The following ARHGEF3 variants were observed in gnomAD, a reference collection of about 807,000 sequenced individuals.
The protein encoded by ARHGEF3 is Rho guanine nucleotide exchange factor 3.
ARHGEF3 carries 28 observed loss-of-function variants against 63.2 expected under a neutral mutation model. The ratio of observed to expected loss-of-function variants is 0.44; its 90% CI spans 0.33 to 0.61. The LOEUF is 0.61. Ranked by LOEUF, ARHGEF3 falls within the 20% of genes least tolerant of loss-of-function variation. The pLI, the probability that ARHGEF3 is intolerant of heterozygous loss-of-function variation, is 0.03. For missense variants in ARHGEF3, 533 were observed against 659.3 expected, an observed-to-expected ratio of 0.81 and a Z score of 2.10; for synonymous variants, 266 against 254.2, an observed-to-expected ratio of 1.05 and a Z score of -0.44.
At chr3:56,856,479 C>T (rs2039885743) in intron 4 of ARHGEF3, among the ~76,000 whole-genome samples, 2 of 152,064 alleles carry the variant, frequency 1.3e-5, no homozygotes, top group South Asian at 2.1e-4. Flanking sequence ...TTTTATTACA[C>T]CGGTAATTCA....
intron 2 of ARHGEF3, among the ~76,000 whole-genome samples, chr3:57,002,453 TTCTAAGCAC>T (rs1579062697): frequency 1.1e-4 from 2 of 18,708 alleles, no homozygotes; most frequent in Admixed American, 9.0e-4. Flanking sequence ...CCAGGCACTG[TTCTAAGCAC>T]TATATATATA....
intron 3 of ARHGEF3, among the ~76,000 whole-genome samples, chr3:56,944,159 C>T (rs1047244868): frequency 1.3e-5 from 2 of 152,056 alleles, no homozygotes; most frequent in South Asian, 2.1e-4. Context: ...GATGACAGAG[C>T]GAGATTCAGT....
chr3:56,989,183 GT>G (rs957926720), intron 2 of ARHGEF3, among the ~76,000 whole-genome samples: 1 of 152,176 alleles, frequency 6.6e-6, no homozygotes, highest in African/African-American at 2.4e-5. Context: ...ACCCTATTTA[GT>G]TCTTTTTTAA....
rs545718128 is a variant in ARHGEF3 at position 56,817,634 on chromosome 3, T to C, written c.193-43818A>G. 2.0e-5 allele frequency among the ~76,000 whole-genome samples: 3 copies of C among 152,322 alleles called. No homozygotes were observed. The South Asian group carries it at 6.2e-4, about 32-fold the overall frequency. ...AGACCTGTGACAAGCATGTGACATATATTACCTTACTGAATCCTCACAACC... is the reference window on the plus strand; with the variant it reads ...AGACCTGTGACAAGCATGTGACATACATTACCTTACTGAATCCTCACAACC... On this transcript the variant is annotated intron_variant, in intron 4 of 12. Coordinates refer to the ARHGEF3 transcript ENST00000338458.
At chr3:57,008,505 C>T (rs1271203627) in intron 2 of ARHGEF3, among the ~76,000 whole-genome samples, 3 of 151,338 alleles carry the variant, frequency 2.0e-5, no homozygotes, top group African/African-American at 4.9e-5. Context: ...GAGACAGAGA[C>T]TCACTCTGTT....
chr3:56,964,028 C>G (rs183687939), intron 2 of ARHGEF3, among the ~76,000 whole-genome samples: 101 of 152,310 alleles, frequency 6.6e-4, no homozygotes, highest in Non-Finnish European at 3.2e-4. Flanking sequence ...GCAACTCCAA[C>G]TCTTTATTTC....
chr3:56,957,174 G>A (rs907202395), intron 3 of ARHGEF3, among the ~76,000 whole-genome samples: 7 of 152,222 alleles, frequency 4.6e-5, no homozygotes, highest in African/African-American at 1.7e-4. Flanking sequence ...CTTGCATTCA[G>A]TAAGACATGC....
At chr3:56,967,001 T>C (rs1700525947) in intron 2 of ARHGEF3, among the ~76,000 whole-genome samples, 1 of 150,460 alleles carries the variant, frequency 6.6e-6, no homozygotes, top group African/African-American at 2.4e-5. Flanking sequence ...CTAGCTAGGA[T>C]TACAGGCATG....
At position 56,992,375 on chromosome 3, in the gene ARHGEF3, TAAAA is replaced by T. The variant is rs57740672; in HGVS notation, c.63-33490_63-33487del. Among the ~76,000 whole-genome samples, 346 of 46,022 alleles carry T rather than the reference TAAAA, an allele frequency of 7.5e-3. 2 individuals carry two copies. Among genetic ancestry groups the T allele is most frequent in the Non-Finnish European group, 0.014 (230 of 16,514 alleles). The allele number at this position is 46,022 out of a possible 152,430, so 30.2% of individuals were successfully genotyped here. The stretch of plus-strand genomic sequence containing the variant: ...GGTCCTATGGTAGGGAGGATGGCTT[TAAAA>T]AAAAAAAAAAAAAAAAAAAAAAAAA... On this transcript the variant is annotated intron_variant, in intron 2 of 12. Transcript: ENST00000338458.
chr3:57,065,771 G>A (rs928802551), intron 1 of ARHGEF3, among the ~76,000 whole-genome samples: 1 of 152,166 alleles, frequency 6.6e-6, no homozygotes, highest in Non-Finnish European at 1.5e-5. Context: ...GAACAGGAGA[G>A]GCAAGGTCAT....
At chr3:57,028,714 A>AT (rs200296773) in intron 2 of ARHGEF3, among the ~76,000 whole-genome samples, 2,024 of 139,130 alleles carry the variant, frequency 0.015, 47 homozygotes, top group African/African-American at 0.055. Context: ...AAATAAATAA[A>AT]TAAAAAAAAA....
intron 1 of ARHGEF3, among the ~76,000 whole-genome samples, chr3:56,779,502 TG>T (rs2036457671): frequency 1.3e-5 from 2 of 152,186 alleles, no homozygotes; most frequent in African/African-American, 2.4e-5. Flanking sequence ...TTTTTTTGTT[TG>T]TTTTTTTGAG....
At chr3:56,732,990 A>G (rs1212236985) in intron 8 of ARHGEF3, among the ~76,000 whole-genome samples, 1 of 152,094 alleles carries the variant, frequency 6.6e-6, no homozygotes, top group Non-Finnish European at 1.5e-5. Flanking sequence ...TCTATTAAAA[A>G]TACAAAAACT....
chr3:56,836,756 T>C (rs1170787336), intron 4 of ARHGEF3, among the ~76,000 whole-genome samples: 1 of 152,012 alleles, frequency 6.6e-6, no homozygotes, highest in African/African-American at 2.4e-5. Flanking sequence ...CAAAACCCCA[T>C]CTCTACAAAA....
chr3:56,943,282 T>C (rs1213438694), intron 3 of ARHGEF3, among the ~76,000 whole-genome samples: 3 of 152,214 alleles, frequency 2.0e-5, no homozygotes, highest in African/African-American at 7.2e-5. Context: ...TTGAAGCCAA[T>C]GCTCATTGAC....
In ARHGEF3 at chr3:56,935,310, C is replaced by T. The variant is rs148224162; in HGVS notation, c.129+23513G>A. ...TTGTGTCTAGCTCAGGGATTGTAAA[C>T]GCACCAATCAGCGCCCTGTCAAAAC... On this transcript the variant is annotated intron_variant, in intron 3 of 12. Transcript: ENST00000338458. 1.7e-3 allele frequency among the ~76,000 whole-genome samples: 258 copies of T among 152,222 alleles called. 2 individuals carry two copies. Among genetic ancestry groups the T allele is most frequent in the African/African-American group, 5.8e-3 (240 of 41,526 alleles).
chr3:57,035,117 G>T (rs1018766603), exon 2 of ARHGEF3: 36 of 1,548,242 alleles, frequency 2.3e-5, no homozygotes, highest in Non-Finnish European at 2.9e-5. Context: ...TTCCTCTACA[G>T]CTGCATTGAT....
intron 4 of ARHGEF3, among the ~76,000 whole-genome samples, chr3:56,831,413 C>T (rs979612668): frequency 6.6e-6 from 1 of 152,182 alleles, no homozygotes; most frequent in Non-Finnish European, 1.5e-5. Flanking sequence ...TTGTTCTTAA[C>T]CACTATCAGG....
chr3:56,921,055 A>C (rs2042121606), intron 3 of ARHGEF3, among the ~76,000 whole-genome samples: 1 of 31,070 alleles, frequency 3.2e-5, no homozygotes, highest in Non-Finnish European at 5.8e-5. Context: ...ACTCCATCTC[A>C]AAAAAAAAAA....
Sources: gnomAD v4.1 joint callset for allele counts (sites outside exome capture counted in the v4.1 genomes callset) on GRCh38, gnomAD v4.1.1 for gene constraint, MANE v1.5 for transcripts, NCBI Gene and HGNC (gene_info 2026-07-23, HGNC 2026-07-21) for gene names.